Variants in CCNY observed in about 807,000 individuals in gnomAD.
CCNY encodes cyclin Y, also known as cyclin-Y.
In CCNY, 19 loss-of-function variants were observed where a neutral mutation model predicts 42.8. That is an observed-to-expected ratio of 0.44 (90% CI 0.31 to 0.65). CCNY has a LOEUF of 0.65. Ranked by LOEUF, CCNY falls within the 30% of genes least tolerant of loss-of-function variation. CCNY has a pLI of 0.07. For synonymous variants in CCNY, 165 were observed against 162.7 expected, an observed-to-expected ratio of 1.01 and a Z score of -0.11; for missense variants, 370 against 437.3, an observed-to-expected ratio of 0.85 and a Z score of 1.37.
chr10:35,282,793 ATGTTGTTC>A (rs1335557394), intron 3 of CCNY, among the ~76,000 whole-genome samples: 2 of 151,908 alleles, frequency 1.3e-5, no homozygotes, highest in African/African-American at 4.8e-5. Flanking sequence ...TGGTCAGTGC[ATGTTGTTC>A]TGTACTCGCA....
At chr10:35,433,824 G>C (rs924668214) in intron 1 of CCNY, among the ~76,000 whole-genome samples, 8 of 152,194 alleles carry the variant, frequency 5.3e-5, no homozygotes, top group Non-Finnish European at 8.8e-5. Context: ...GGCCAGGCTG[G>C]TCTCGAACTC....
chr10:35,274,044 G>T lies in CCNY; in HGVS notation c.-9+23418G>T, dbSNP rs565620419. On this transcript the variant is annotated intron_variant, in intron 3 of 11. Coordinates refer to the CCNY transcript ENST00000374706. ...TGCCATGTGTATTAGTCTGTTCTCAGGCTGCTTATAATAAAGACATACCTG... is the reference window on the plus strand; with the variant it reads ...TGCCATGTGTATTAGTCTGTTCTCATGCTGCTTATAATAAAGACATACCTG... Among the ~76,000 whole-genome samples, 63 of 152,232 alleles carry T rather than the reference G, an allele frequency of 4.1e-4. No homozygotes were observed. The South Asian group carries it at 0.013, about 32-fold the overall frequency.
chr10:35,490,149 C>T (rs1839868315), intron 2 of CCNY, among the ~76,000 whole-genome samples: 2 of 152,218 alleles, frequency 1.3e-5, no homozygotes, highest in Admixed American at 6.5e-5. Context: ...GGAACCCCCA[C>T]CTGCTCTTTT....
intron 1 of CCNY, among the ~76,000 whole-genome samples, chr10:35,390,918 G>C (rs986106938): frequency 1.3e-5 from 2 of 152,212 alleles, no homozygotes; most frequent in African/African-American, 4.8e-5. Flanking sequence ...GTTGGGGCCT[G>C]AGGCCAAGTG....
intron 1 of CCNY, among the ~76,000 whole-genome samples, chr10:35,438,091 G>A (rs879869913): frequency 2.0e-5 from 3 of 151,518 alleles, no homozygotes; most frequent in South Asian, 2.1e-4. Flanking sequence ...AAATGATAGC[G>A]TCCAGGAGAC....
chr10:35,346,854 T>A (rs1252844557), intron 1 of CCNY, among the ~76,000 whole-genome samples: 1 of 152,238 alleles, frequency 6.6e-6, no homozygotes, highest in South Asian at 2.1e-4. Flanking sequence ...CTCGAACTCC[T>A]GGGCTCAAGC....
At chr10:35,371,451 T>C (rs1443054117) in intron 1 of CCNY, among the ~76,000 whole-genome samples, 1 of 152,200 alleles carries the variant, frequency 6.6e-6, no homozygotes, top group African/African-American at 2.4e-5. Context: ...CCATCCACAC[T>C]CCTTTGAACA....
chr10:35,254,916 G>A (rs559921548), intron 3 of CCNY, among the ~76,000 whole-genome samples: 1 of 150,210 alleles, frequency 6.7e-6, no homozygotes, highest in South Asian at 2.1e-4. Flanking sequence ...TTTTATTTCT[G>A]TAATTGATTC....
intron 1 of CCNY, chr10:35,394,689 ATC>A (rs1837484897): frequency 5.5e-6 from 1 of 183,372 alleles, no homozygotes; most frequent in Non-Finnish European, 1.0e-5. Context: ...TATTTAAAGT[ATC>A]TCTGACATCT....
chr10:35,550,957 C>T (rs1841243384), intron 7 of CCNY, among the ~76,000 whole-genome samples: 1 of 152,160 alleles, frequency 6.6e-6, no homozygotes, highest in South Asian at 2.1e-4. Context: ...AGCTCCAGAC[C>T]TGCATGTTCA....
chr10:35,442,759 C>G (rs1838700987), intron 1 of CCNY, among the ~76,000 whole-genome samples: 1 of 152,084 alleles, frequency 6.6e-6, no homozygotes, highest in Non-Finnish European at 1.5e-5. Flanking sequence ...GTTATTTTCT[C>G]CCTTTATTTC....
At chr10:35,502,202 TACC>T (rs1840124569) in intron 3 of CCNY, among the ~76,000 whole-genome samples, 1 of 152,144 alleles carries the variant, frequency 6.6e-6, no homozygotes, top group Non-Finnish European at 1.5e-5. Context: ...ACACCCTATA[TACC>T]AGGCAAGTCC....
chr10:35,431,944 G>A (rs1045693794), intron 1 of CCNY, among the ~76,000 whole-genome samples: 1 of 152,148 alleles, frequency 6.6e-6, no homozygotes. Context: ...TGTTGGTATG[G>A]AAGTTTATAA....
intron 1 of CCNY, among the ~76,000 whole-genome samples, chr10:35,428,405 C>T (rs1466110458): frequency 1.3e-5 from 2 of 152,154 alleles, no homozygotes; most frequent in Non-Finnish European, 2.9e-5. Flanking sequence ...TGTGTTGTTG[C>T]CATCCAGGAA....
intron 1 of CCNY, among the ~76,000 whole-genome samples, chr10:35,378,619 C>G (rs1287084510): frequency 1.1e-4 from 16 of 151,826 alleles, no homozygotes; most frequent in Admixed American, 9.8e-4. Flanking sequence ...AAGAGCAGAG[C>G]TGAGTGTTGG....
intron 2 of CCNY, among the ~76,000 whole-genome samples, chr10:35,491,300 A>G (rs2135378408): frequency 6.6e-6 from 1 of 152,328 alleles, no homozygotes; most frequent in South Asian, 2.1e-4. Flanking sequence ...CTGTCTCCTT[A>G]GAAGATTGCT....
chr10:35,386,460 A>G (rs1034917534), intron 1 of CCNY, among the ~76,000 whole-genome samples: 4 of 152,222 alleles, frequency 2.6e-5, no homozygotes, highest in African/African-American at 7.2e-5. Context: ...GACTGAGTCT[A>G]AGGGAGTATT....
intron 2 of CCNY, among the ~76,000 whole-genome samples, chr10:35,493,397 T>G (rs1839941652): frequency 6.6e-6 from 1 of 152,140 alleles, no homozygotes; most frequent in Non-Finnish European, 1.5e-5. Flanking sequence ...ACTTTTCAAT[T>G]CTCTTTTTAA....
chr10:35,545,347 C>T (rs996560471), intron 7 of CCNY, among the ~76,000 whole-genome samples: 4 of 152,160 alleles, frequency 2.6e-5, no homozygotes, highest in Non-Finnish European at 4.4e-5. Context: ...TTCATTGTCT[C>T]CCAGTCCTGG....
Sources: gnomAD v4.1 joint callset for allele counts (sites outside exome capture counted in the v4.1 genomes callset) on GRCh38, gnomAD v4.1.1 for gene constraint, MANE v1.5 for transcripts, NCBI Gene and HGNC (gene_info 2026-07-23, HGNC 2026-07-21) for gene names.